Variants in PDE1C observed in about 807,000 individuals in gnomAD.
The protein encoded by PDE1C is phosphodiesterase 1C.
In PDE1C, 62 loss-of-function variants were observed where a neutral mutation model predicts 93.1. The ratio of observed to expected loss-of-function variants is 0.67; its 90% CI spans 0.54 to 0.82. The LOEUF is 0.82. PDE1C is among the 40% of genes least tolerant of loss of function. The probability of loss-of-function intolerance (pLI) is 0.00; values close to 1 mark genes in which losing one functional copy is unlikely to be tolerated. For synonymous variants in PDE1C, 325 were observed against 310.1 expected (o/e 1.05, Z -0.50); for missense variants, 742 against 884.6 (o/e 0.84, Z 2.04).
intron 1 of PDE1C, among the ~76,000 whole-genome samples, chr7:32,264,107 T>C (rs12537591): frequency 0.12 from 17,766 of 152,198 alleles, 1,106 homozygotes; most frequent in East Asian, 0.15. Flanking sequence ...CCACGATGGA[T>C]GCAAAATTAT....
intron 1 of PDE1C, among the ~76,000 whole-genome samples, chr7:32,211,070 G>A (rs1584966730): frequency 1.3e-5 from 2 of 152,078 alleles, no homozygotes; most frequent in South Asian, 2.1e-4. Flanking sequence ...TTAGCCGGGC[G>A]TGGTGGTGGG....
intron 3 of PDE1C, among the ~76,000 whole-genome samples, chr7:32,117,506 C>T (rs1799049029): frequency 6.6e-6 from 1 of 152,332 alleles, no homozygotes; most frequent in Admixed American, 6.5e-5. Context: ...AGCCTTCTGA[C>T]TACAGTATAG....
intron 11 of PDE1C, among the ~76,000 whole-genome samples, chr7:31,834,325 A>C (rs1169668108): frequency 6.6e-6 from 1 of 152,132 alleles, no homozygotes; most frequent in Non-Finnish European, 1.5e-5. Context: ...GAGCTGTGAG[A>C]AGAGGGCCAC....
intron 1 of PDE1C, among the ~76,000 whole-genome samples, chr7:32,329,527 C>T (rs1175668661): frequency 6.6e-6 from 1 of 152,178 alleles, no homozygotes; most frequent in African/African-American, 2.4e-5. Flanking sequence ...GTAGGTTTAC[C>T]TTTTCCACAG....
chr7:31,978,904 G>T (rs753964403), intron 2 of PDE1C, among the ~76,000 whole-genome samples: 12 of 152,064 alleles, frequency 7.9e-5, no homozygotes, highest in African/African-American at 9.7e-5. Flanking sequence ...ATTCGGAAAG[G>T]TTTGGTATAT....
At chr7:32,064,550 T>C (rs1251531770) in intron 1 of PDE1C, among the ~76,000 whole-genome samples, 1 of 152,176 alleles carries the variant, frequency 6.6e-6, no homozygotes, top group East Asian at 1.9e-4. Context: ...ATCTCCAATC[T>C]GTCCTCCACC....
chr7:32,123,077 T>A (rs1799386252), intron 3 of PDE1C, among the ~76,000 whole-genome samples: 2 of 152,106 alleles, frequency 1.3e-5, no homozygotes, highest in African/African-American at 2.4e-5. Flanking sequence ...GAAAATACTA[T>A]AAATACCTCG....
intron 3 of PDE1C, among the ~76,000 whole-genome samples, chr7:32,152,060 G>A (rs185344303): frequency 3.4e-4 from 52 of 152,176 alleles, no homozygotes; most frequent in African/African-American, 1.1e-3. Context: ...GGTTCCTTGA[G>A]GGCAACAACC....
At chr7:32,070,146 TA>T (rs1386864329) in intron 1 of PDE1C, 146 bp downstream of exon 1, 12 of 1,364,468 alleles carry the variant, frequency 8.8e-6, no homozygotes, top group African/African-American at 1.5e-5. Flanking sequence ...GCAGTGACTG[TA>T]ATTAACAGAG....
At chr7:32,117,564 C>T (rs867964897) in intron 3 of PDE1C, among the ~76,000 whole-genome samples, 2 of 152,190 alleles carry the variant, frequency 1.3e-5, no homozygotes, top group Non-Finnish European at 2.9e-5. Context: ...CTCATTTTAA[C>T]AGTTGGTCAG....
At chr7:31,643,321 C>T in the PDE1C span, 2 of 1,613,954 alleles carry the variant, frequency 1.2e-6, no homozygotes, top group South Asian at 1.1e-5. Context: ...TGAAATCACA[C>T]CTTATGCAAC....
intron 3 of PDE1C, chr7:32,077,960 C>G: frequency 4.1e-6 from 4 of 985,416 alleles, no homozygotes; most frequent in Non-Finnish European, 4.8e-6. Context: ...GGCAGGGCAG[C>G]AAGACAGTGC....
chr7:32,401,561 GA>G (rs575644209), intron 1 of PDE1C, among the ~76,000 whole-genome samples: 2 of 151,234 alleles, frequency 1.3e-5, no homozygotes, highest in Non-Finnish European at 3.0e-5. Context: ...AAGAAAGAAA[GA>G]AAAAAAATAG....
the PDE1C span, among the ~76,000 whole-genome samples, chr7:31,677,847 C>G: frequency 6.6e-6 from 1 of 152,032 alleles, no homozygotes; most frequent in Non-Finnish European, 1.5e-5. Context: ...GTAGAATTAT[C>G]TCTATTTACA....
chr7:31,632,308 C>T, the PDE1C span, among the ~76,000 whole-genome samples: 1 of 152,002 alleles, frequency 6.6e-6, no homozygotes, highest in Non-Finnish European at 1.5e-5. Flanking sequence ...ATTAGCCAGG[C>T]GTGGTGGCAC....
intron 2 of PDE1C, among the ~76,000 whole-genome samples, chr7:31,940,883 C>T (rs1341283245): frequency 6.6e-6 from 1 of 151,984 alleles, no homozygotes; most frequent in Non-Finnish European, 1.5e-5. Flanking sequence ...GCCATCCTTG[C>T]CCCATCTCCA....
chr7:31,726,542 A>T, the PDE1C span, among the ~76,000 whole-genome samples: 2 of 152,156 alleles, frequency 1.3e-5, no homozygotes, highest in Non-Finnish European at 2.9e-5. Flanking sequence ...AGACAAGGCC[A>T]CTCTGTGTCC....
chr7:32,210,453 T>C (rs1226396841), intron 1 of PDE1C, among the ~76,000 whole-genome samples: 4 of 152,242 alleles, frequency 2.6e-5, no homozygotes, highest in African/African-American at 9.6e-5. Context: ...AACGTCATCA[T>C]GAATGTATGA....
At chr7:31,838,001 A>T in intron 9 of PDE1C, 30 bp from the exon 10 acceptor site, 1 of 1,415,574 alleles carries the variant, frequency 7.1e-7, no homozygotes, top group Admixed American at 1.8e-5. Context: ...AGAAAAAAGG[A>T]TGGAAGTCAA....
Sources: allele counts gnomAD v4.1 joint callset (sites outside exome capture counted in the v4.1 genomes callset), GRCh38; gene constraint gnomAD v4.1.1; transcripts MANE v1.5; gene names NCBI Gene and HGNC (gene_info 2026-07-23, HGNC 2026-07-21).